LMF1: variants seen among roughly 807,000 people sequenced by gnomAD.
The protein encoded by LMF1 is lipase maturation factor 1.
In LMF1, 68 loss-of-function variants were observed where a neutral mutation model predicts 60.6. The observed-to-expected ratio is 1.12, with a 90% CI of 0.92 to 1.37. The LOEUF (loss-of-function observed/expected upper bound fraction) is 1.37. Ranked by LOEUF, LMF1 falls within the 40% of genes most tolerant of loss-of-function variation. The pLI is 0.00. For synonymous variants in LMF1, 418 were observed against 324.7 expected, an observed-to-expected ratio of 1.29 and a Z score of -3.09; for missense variants, 948 against 767.2, an observed-to-expected ratio of 1.24 and a Z score of -2.78.
intron 4 of LMF1, among the ~76,000 whole-genome samples, chr16:902,876 C>T (rs1450285377): frequency 2.4e-4 from 15 of 62,846 alleles, no homozygotes; most frequent in African/African-American, 3.6e-4. Flanking sequence ...GCCCACAGGA[C>T]GCCTGTCTCT....
intron 10 of LMF1, among the ~76,000 whole-genome samples, chr16:863,224 G>C (rs2069518861): frequency 6.6e-6 from 1 of 152,174 alleles, no homozygotes; most frequent in African/African-American, 2.4e-5. Context: ...GGAGTGCAGT[G>C]CTGCAGTCTC....
rs550163070 is a variant in LMF1, at chr16:881,238, G to C, written c.730-1501C>G. 3.5e-4 allele frequency among the ~76,000 whole-genome samples: 54 copies of C among 152,374 alleles called. No homozygotes were observed. In the South Asian group the frequency reaches 8.3e-3, roughly 23 times the overall value. On this transcript the variant is annotated intron_variant, in intron 5 of 10. Coordinates refer to ENST00000262301, the MANE Select transcript of LMF1 (RefSeq NM_022773.4). ...GGCACAGGGCCCCAGTGCACCCCAA[G>C]AGCCGTGGGCTGGGGAGGGTCCTGA...
rs771554218 is a variant in LMF1, at chr16:962,748, C to T, written c.193+8040G>A. 2.0e-5 allele frequency among the ~76,000 whole-genome samples: 3 copies of T among 152,180 alleles called. No homozygotes were observed. Among genetic ancestry groups the T allele is most frequent in the Non-Finnish European group, 2.9e-5 (2 of 68,046 alleles). On this transcript the variant is annotated intron_variant, in intron 1 of 10. Transcript: ENST00000262301. This position sits in a 1 kb window ranked among gnomAD's most constrained non-coding sequence, Gnocchi z 4.5. The stretch of plus-strand genomic sequence containing the variant: ...GGAGGGAGGAGACGCCAGGACAAAA[C>T]CGGGTCCCAGAACGGAACAGGCACG...
rs2277892 is a variant in LMF1, at chr16:911,054, C to T, written c.540G>A (p.Thr180=). 212,044 of 1,611,352 alleles carry T rather than the reference C, an allele frequency of 0.13. 18,712 individuals are homozygous for T. The highest frequency in any genetic ancestry group is 0.38 in the African/African-American group (28,577 of 74,826). ...GGCACAGGAAGATCCCCAGGAACCC[C>T]GTCTCCAGAAGCTGGGACTCCCATC... The part of the protein sequence containing the change: ...SFGWESQLLE[T]GFLGIFLCPL... The change falls in exon 4 of 11, where the codon ACG becomes ACA. Residue 180 remains threonine (T), a synonymous_variant. Coordinates refer to ENST00000262301, the MANE Select transcript of LMF1 (RefSeq NM_022773.4).
chr16:916,345 C>A (rs1373653026), intron 3 of LMF1, among the ~76,000 whole-genome samples: 1 of 152,226 alleles, frequency 6.6e-6, no homozygotes, highest in Non-Finnish European at 1.5e-5. Context: ...ATCTTGACTG[C>A]CTGTCACTCA....
At chr16:876,391 G>A (rs1467318186) in intron 6 of LMF1, among the ~76,000 whole-genome samples, 3 of 152,198 alleles carry the variant, frequency 2.0e-5, no homozygotes, top group African/African-American at 4.8e-5. Context: ...ATGGGGACAC[G>A]TGTCGTCGTC....
chr16:955,027 G>A (rs1192154984), intron 1 of LMF1, among the ~76,000 whole-genome samples: 4 of 151,806 alleles, frequency 2.6e-5, no homozygotes, highest in South Asian at 2.1e-4. Flanking sequence ...GATGCGGTGT[G>A]TGCATACACA....
chr16:856,897 G>T (rs554658913), intron 10 of LMF1, among the ~76,000 whole-genome samples: 1 of 152,246 alleles, frequency 6.6e-6, no homozygotes, highest in Non-Finnish European at 1.5e-5. Context: ...TGCAGCCAGG[G>T]CCTGACACTG....
intron 10 of LMF1, among the ~76,000 whole-genome samples, chr16:866,603 C>A (rs1285454480): frequency 3.3e-5 from 5 of 152,190 alleles, no homozygotes; most frequent in African/African-American, 1.2e-4. Context: ...TATTTGGCCT[C>A]CTCTGGTAGC....
rs988689389 is a variant in LMF1, at chr16:970,798, G to A, written c.183C>T (p.Ala61=). 5.2e-6 allele frequency: 8 copies of A among 1,539,368 alleles called. No individual in the cohort carries two copies. Among genetic ancestry groups the A allele is most frequent in the African/African-American group, 1.4e-5 (1 of 71,436 alleles). The change falls in exon 1 of 11, where the codon GCC becomes GCT. Residue 61 remains alanine (A), a synonymous_variant. Transcript: ENST00000262301. ...LTRIVLLKAL[A]FVYFVAFLVA... ...CCGCCCGGCACTCACAGTACACGAA[G>A]GCTAGGGCCTTCAGGAGCACGATCC...
chr16:881,641 C>G (rs1335219559), intron 5 of LMF1: 2 of 152,294 alleles, frequency 1.3e-5, no homozygotes, highest in Non-Finnish European at 2.9e-5. Flanking sequence ...CCATGTGGGA[C>G]CCACCCCCTA....
intron 3 of LMF1, among the ~76,000 whole-genome samples, chr16:915,406 A>G (rs769479930): frequency 1.3e-5 from 2 of 152,102 alleles, no homozygotes; most frequent in Non-Finnish European, 2.9e-5. Context: ...CCCAAATAAA[A>G]CCCAGGCAGA....
chr16:909,439 G>C (rs1389111308), intron 4 of LMF1, among the ~76,000 whole-genome samples: 1 of 151,996 alleles, frequency 6.6e-6, no homozygotes, highest in Non-Finnish European at 1.5e-5. Context: ...ACGCCACACA[G>C]AACCACGCTA....
In LMF1 at chr16:960,298, C is replaced by T. The variant is rs1453015523; in HGVS notation, c.194-5632G>A. The stretch of plus-strand genomic sequence containing the variant: ...GGATCATAACCCAGACAAAGACTCA[C>T]AGTGACAACACTGGATCACAACCCA... On this transcript the variant is annotated intron_variant, in intron 1 of 10. Coordinates refer to ENST00000262301, the MANE Select transcript of LMF1 (RefSeq NM_022773.4). 1.5e-3 allele frequency among the ~76,000 whole-genome samples: 226 copies of T among 148,786 alleles called. 4 individuals are homozygous for T. The highest frequency in any genetic ancestry group is 5.5e-3 in the African/African-American group (215 of 39,120).
intron 10 of LMF1, among the ~76,000 whole-genome samples, chr16:860,312 T>G (rs1235792716): frequency 6.6e-6 from 1 of 151,884 alleles, no homozygotes; most frequent in Non-Finnish European, 1.5e-5. Context: ...TGGCCCTAGA[T>G]CCCAAAGATT....
chr16:880,223 C>T (rs1434340212), intron 5 of LMF1, among the ~76,000 whole-genome samples: 2 of 152,104 alleles, frequency 1.3e-5, no homozygotes, highest in African/African-American at 2.4e-5. Flanking sequence ...GAATGGGGCC[C>T]GGGTCCCGAG....
intron 2 of LMF1, among the ~76,000 whole-genome samples, chr16:941,935 GA>G (rs1402953976): frequency 3.3e-5 from 5 of 151,988 alleles, no homozygotes; most frequent in Admixed American, 2.0e-4. Flanking sequence ...ATTAAATTAA[GA>G]AAAAAAGAAA....
chr16:953,208 C>G (rs1449693536), intron 2 of LMF1, among the ~76,000 whole-genome samples: 6 of 113,024 alleles, frequency 5.3e-5, no homozygotes, highest in South Asian at 3.1e-4. Flanking sequence ...CATGTCCACA[C>G]AGACACCCAC....
At chr16:856,256 A>G (rs2069181423) in intron 10 of LMF1, among the ~76,000 whole-genome samples, 1 of 151,966 alleles carries the variant, frequency 6.6e-6, no homozygotes, top group Non-Finnish European at 1.5e-5. Context: ...CCTTGGCTAT[A>G]AGGACGGCAG....
Sources: allele counts gnomAD v4.1 joint callset (sites outside exome capture counted in the v4.1 genomes callset), GRCh38; gene constraint gnomAD v4.1.1; non-coding constraint Gnocchi (gnomAD v3.1); transcripts MANE v1.5; gene names NCBI Gene and HGNC (gene_info 2026-07-23, HGNC 2026-07-21).